Variants in OR3A2 observed in about 807,000 individuals in gnomAD.
The protein encoded by OR3A2 is olfactory receptor family 3 subfamily A member 2, also known as olfactory receptor 3A2.
For synonymous variants in OR3A2, 126 were observed against 159.3 expected (o/e 0.79, Z 1.57); for missense variants, 318 against 392.8 (o/e 0.81, Z 1.61).
intron 2 of OR3A2, among the ~76,000 whole-genome samples, chr17:3,338,237 T>C (rs1461171190): frequency 2.0e-5 from 3 of 152,202 alleles, no homozygotes; most frequent in African/African-American, 7.2e-5. Flanking sequence ...TTCACTCTGA[T>C]GGTAGTTTCT....
chr17:3,367,601 G>GTATATATATA (rs553464584), intron 2 of OR3A2, among the ~76,000 whole-genome samples: 3,808 of 122,416 alleles, frequency 0.031, 201 homozygotes, highest in African/African-American at 0.048. Flanking sequence ...GTGTGTGTGT[G>GTATATATATA]TATATATATA....
At chr17:3,385,488 G>C (rs762626562) in intron 1 of OR3A2, among the ~76,000 whole-genome samples, 3 of 152,314 alleles carry the variant, frequency 2.0e-5, no homozygotes, top group South Asian at 4.1e-4. Context: ...TGGATAGATA[G>C]ATGATAGAGG....
chr17:3,345,505 TATA>T (rs966071863), intron 2 of OR3A2, among the ~76,000 whole-genome samples: 1 of 151,350 alleles, frequency 6.6e-6, no homozygotes, highest in Non-Finnish European at 1.5e-5. Flanking sequence ...ACAACAAAAT[TATA>T]ATAAGCAGCC....
chr17:3,370,574 T>C (rs2049605175), intron 2 of OR3A2, among the ~76,000 whole-genome samples: 1 of 152,224 alleles, frequency 6.6e-6, no homozygotes, highest in African/African-American at 2.4e-5. Context: ...TGGGTTTCGT[T>C]TGTTCTTGTT....
intron 2 of OR3A2, among the ~76,000 whole-genome samples, chr17:3,345,488 CAGA>C (rs1296569412): frequency 6.6e-6 from 1 of 151,180 alleles, no homozygotes; most frequent in Non-Finnish European, 1.5e-5. Context: ...ACACAGAGGG[CAGA>C]AGAACAACAA....
chr17:3,340,973 G>T (rs1258522887), intron 2 of OR3A2, among the ~76,000 whole-genome samples: 2 of 152,084 alleles, frequency 1.3e-5, no homozygotes, highest in Non-Finnish European at 2.9e-5. Flanking sequence ...TATATATTTA[G>T]GATAGTTAGC....
At position 3,331,495 on chromosome 17, in the gene OR3A2, A is replaced by C. The variant is rs987850419; in HGVS notation, c.-85+4538T>G. Among the ~76,000 whole-genome samples the C allele has an allele frequency of 8.1e-3, 1,225 of 151,526 alleles. 11 individuals are homozygous for C. The highest frequency in any genetic ancestry group is 0.028 in the African/African-American group (1,146 of 41,162). On this transcript the variant is annotated intron_variant, in intron 3 of 4. Coordinates refer to the OR3A2 transcript ENST00000573491. ...TTCCATCGCTGATACCCTTTCTTCC[A>C]GTTGATCGCATCGGCTCCTGAGGCT...
intron 3 of OR3A2, among the ~76,000 whole-genome samples, chr17:3,328,257 T>G (rs2049194713): frequency 1.4e-5 from 1 of 70,198 alleles, no homozygotes; most frequent in African/African-American, 7.3e-5. Flanking sequence ...TAGTTCTCCT[T>G]GAAGAGGTCC....
chr17:3,281,648 T>G (rs1362185652), intron 1 of OR3A2, among the ~76,000 whole-genome samples: 1 of 61,200 alleles, frequency 1.6e-5, no homozygotes, highest in Non-Finnish European at 2.7e-5. Context: ...GAGTTTTGTT[T>G]GTTTGTTTTG....
At chr17:3,312,113 T>G (rs1161078573) in intron 3 of OR3A2, among the ~76,000 whole-genome samples, 4 of 151,964 alleles carry the variant, frequency 2.6e-5, no homozygotes, top group Non-Finnish European at 5.9e-5. Context: ...AGGCAAAAGC[T>G]TAGGTGAGAG....
Position 3,348,284 on chromosome 17 carries a change from C to T in OR3A2, c.-178-12158G>A, listed in dbSNP as rs143294383. ...ATTTATCCATTTTGGCTTTTGTTGC[C>T]ATTGCTTTTGGTGTTTTAGACATGA... On this transcript the variant is annotated intron_variant, in intron 2 of 4. Transcript: ENST00000573491. Among the ~76,000 whole-genome samples, 635 of 152,102 alleles carry T rather than the reference C, an allele frequency of 4.2e-3. 5 individuals are homozygous for T. Among genetic ancestry groups the T allele is most frequent in the African/African-American group, 0.014 (579 of 41,486 alleles).
chr17:3,280,622 T>C (rs921591071), intron 1 of OR3A2, among the ~76,000 whole-genome samples: 2 of 152,178 alleles, frequency 1.3e-5, no homozygotes, highest in Non-Finnish European at 2.9e-5. Context: ...TCAATGTCTC[T>C]ATTGCCCATG....
intron 2 of OR3A2, among the ~76,000 whole-genome samples, chr17:3,354,258 A>G (rs760297441): frequency 1.9e-4 from 29 of 151,278 alleles, no homozygotes; most frequent in Non-Finnish European, 3.7e-4. Flanking sequence ...TAGGATTTGT[A>G]TTAGTTTTTA....
chr17:3,360,603 A>C (rs2049504912), intron 2 of OR3A2, among the ~76,000 whole-genome samples: 1 of 151,774 alleles, frequency 6.6e-6, no homozygotes, highest in Non-Finnish European at 1.5e-5. Context: ...TATAAGGTGT[A>C]AAGAAGGGAT....
chr17:3,342,186 T>C lies in OR3A2; in HGVS notation c.-178-6060A>G, dbSNP rs527935053. ...TTGTCTAATCTTTTTTCAAGGTTTT[T>C]AGCTTCCTTGCAATGGGTTCAAACA... On this transcript the variant is annotated intron_variant, in intron 2 of 4. Coordinates refer to the OR3A2 transcript ENST00000573491. Among the ~76,000 whole-genome samples the C allele has an allele frequency of 4.6e-5, 7 of 152,296 alleles. No homozygotes were observed. The South Asian group carries it at 1.2e-3, about 27-fold the overall frequency.
At chr17:3,283,366 C>G (rs2855674) in intron 1 of OR3A2, among the ~76,000 whole-genome samples, 10,584 of 152,182 alleles carry the variant, frequency 0.07, 527 homozygotes, top group Non-Finnish European at 0.1. Flanking sequence ...GCTGGGATTA[C>G]AGGCATGCGC....
At chr17:3,281,327 A>G (rs804232) in intron 1 of OR3A2, among the ~76,000 whole-genome samples, 151,409 of 151,420 alleles carry the variant, frequency 1, 75,699 homozygotes, top group East Asian at 1. Context: ...TCCGCCTCCC[A>G]GGTTCAAGAG....
At chr17:3,306,754 T>C (rs1221482712) in intron 3 of OR3A2, among the ~76,000 whole-genome samples, 1 of 149,912 alleles carries the variant, frequency 6.7e-6, no homozygotes, top group Non-Finnish European at 1.5e-5. Flanking sequence ...ACCACTAATA[T>C]CTTCAAAAGA....
chr17:3,374,409 T>A (rs2049661610), intron 2 of OR3A2, among the ~76,000 whole-genome samples: 1 of 152,230 alleles, frequency 6.6e-6, no homozygotes, highest in South Asian at 2.1e-4. Context: ...CTTTTAGATT[T>A]CAGTTCTTTC....
Sources: gnomAD v4.1 joint callset for allele counts (sites outside exome capture counted in the v4.1 genomes callset) on GRCh38, gnomAD v4.1.1 for gene constraint, MANE v1.5 for transcripts, NCBI Gene and HGNC (gene_info 2026-07-23, HGNC 2026-07-21) for gene names.